PXDNL: variants seen among roughly 807,000 people sequenced by gnomAD.
PXDNL encodes probable oxidoreductase PXDNL.
Under a neutral mutation model 150.8 loss-of-function variants are expected in PXDNL, and 145 were observed. The ratio of observed to expected loss-of-function variants is 0.96; its 90% CI spans 0.84 to 1.10. The LOEUF is 1.10. Ranked by LOEUF, PXDNL falls within the 50% of genes least tolerant of loss-of-function variation. The probability of loss-of-function intolerance (pLI) is 0.00; values close to 1 mark genes in which losing one functional copy is unlikely to be tolerated. For missense variants in PXDNL, 2,087 were observed against 1,873.9 expected (o/e 1.11, Z -2.10); for synonymous variants, 757 against 725.7 (o/e 1.04, Z -0.69).
chr8:51,440,558 T>C (rs1294418812), intron 12 of PXDNL, among the ~76,000 whole-genome samples: 1 of 152,196 alleles, frequency 6.6e-6, no homozygotes, highest in Non-Finnish European at 1.5e-5. Context: ...ACATTGCAGC[T>C]ATCCCACAAC....
chr8:51,389,940 G>A (rs563501796), intron 17 of PXDNL, among the ~76,000 whole-genome samples: 1 of 152,100 alleles, frequency 6.6e-6, no homozygotes, highest in African/African-American at 2.4e-5. Flanking sequence ...CAAAGAAAAG[G>A]TTTTAATATT....
At chr8:51,650,260 G>C (rs1815005558) in intron 2 of PXDNL, among the ~76,000 whole-genome samples, 1 of 151,790 alleles carries the variant, frequency 6.6e-6, no homozygotes, top group Admixed American at 6.6e-5. Flanking sequence ...CAATGTACAG[G>C]CATAGATTAA....
chr8:51,479,090 G>A (rs1044374979), intron 6 of PXDNL, among the ~76,000 whole-genome samples: 3 of 152,214 alleles, frequency 2.0e-5, no homozygotes, highest in Non-Finnish European at 4.4e-5. Flanking sequence ...ATTTTTGCAT[G>A]TGTGTTCCAG....
At chr8:51,432,486 T>C (rs886829317) in intron 12 of PXDNL, among the ~76,000 whole-genome samples, 2 of 152,226 alleles carry the variant, frequency 1.3e-5, no homozygotes, top group Non-Finnish European at 2.9e-5. Context: ...TATAAATCAA[T>C]GTTGGAAGAA....
At chr8:51,486,064 G>T (rs1810726698) in intron 5 of PXDNL, among the ~76,000 whole-genome samples, 1 of 152,198 alleles carries the variant, frequency 6.6e-6, no homozygotes, top group African/African-American at 2.4e-5. Flanking sequence ...AAGTGGTGCA[G>T]TTCTGCAAGA....
At chr8:51,748,528 C>T (rs1490042080) in intron 1 of PXDNL, among the ~76,000 whole-genome samples, 1 of 152,198 alleles carries the variant, frequency 6.6e-6, no homozygotes, top group African/African-American at 2.4e-5. Context: ...CCGGTCCCAG[C>T]TGGAGCACAG....
chr8:51,604,746 CTT>C (rs1813803455), intron 2 of PXDNL, among the ~76,000 whole-genome samples: 1 of 152,124 alleles, frequency 6.6e-6, no homozygotes, highest in Non-Finnish European at 1.5e-5. Flanking sequence ...AATTTCAAGA[CTT>C]TTTACCATCC....
chr8:51,368,900 G>A (rs1011651380), intron 19 of PXDNL, among the ~76,000 whole-genome samples: 1 of 152,154 alleles, frequency 6.6e-6, no homozygotes, highest in Non-Finnish European at 1.5e-5. Flanking sequence ...GGAGGCTGAG[G>A]CAGGAGAATC....
At chr8:51,491,396 G>A (rs964618694) in intron 5 of PXDNL, among the ~76,000 whole-genome samples, 13 of 152,084 alleles carry the variant, frequency 8.5e-5, no homozygotes, top group South Asian at 4.1e-4. Context: ...GTCCAGGCTC[G>A]AGTTTTCTTT....
Position 51,561,757 on chromosome 8 carries a change from T to C in PXDNL, c.309-4846A>G, listed in dbSNP as rs1363602672. ...GGAGAGTTATTTAATGGGTATAGAGTTTCAGTTTTGCAAGATTAAAAGGTT... is the reference window on the plus strand; with the variant it reads ...GGAGAGTTATTTAATGGGTATAGAGCTTCAGTTTTGCAAGATTAAAAGGTT... On this transcript the variant is annotated intron_variant, in intron 3 of 22. Coordinates refer to ENST00000356297, the MANE Select transcript of PXDNL (RefSeq NM_144651.5). Among the ~76,000 whole-genome samples the C allele has an allele frequency of 2.0e-5, 3 of 151,798 alleles. No homozygotes were observed. The East Asian group carries it at 5.9e-4, about 30-fold the overall frequency.
chr8:51,754,395 C>G (rs956160587), intron 1 of PXDNL, among the ~76,000 whole-genome samples: 13 of 152,130 alleles, frequency 8.5e-5, no homozygotes, highest in African/African-American at 3.1e-4. Flanking sequence ...GGAGGCAGCC[C>G]CGATGAGAAG....
chr8:51,454,307 A>G (rs1430455159), intron 9 of PXDNL, among the ~76,000 whole-genome samples: 2 of 152,222 alleles, frequency 1.3e-5, no homozygotes, highest in South Asian at 2.1e-4. Context: ...AAAAAGCAGA[A>G]AGAAGAATAT....
At chr8:51,691,514 A>G (rs1045611198) in intron 1 of PXDNL, among the ~76,000 whole-genome samples, 1 of 152,130 alleles carries the variant, frequency 6.6e-6, no homozygotes, top group South Asian at 2.1e-4. Context: ...TCTAAAAAAC[A>G]TGGCTATTAA....
chr8:51,526,435 G>C (rs1453003271), intron 4 of PXDNL, among the ~76,000 whole-genome samples: 1 of 152,018 alleles, frequency 6.6e-6, no homozygotes, highest in Non-Finnish European at 1.5e-5. Flanking sequence ...AGTGTCTAAA[G>C]GTTATGTGAC....
At chr8:51,674,349 G>A (rs1464492282) in intron 1 of PXDNL, among the ~76,000 whole-genome samples, 4 of 152,186 alleles carry the variant, frequency 2.6e-5, no homozygotes, top group Admixed American at 6.5e-5. Context: ...CTCAGCACTC[G>A]TTAACTGAAA....
chr8:51,491,140 C>G lies in PXDNL; in HGVS notation c.453-7426G>C, dbSNP rs530540609. On this transcript the variant is annotated intron_variant, in intron 5 of 22. Coordinates refer to ENST00000356297, the MANE Select transcript of PXDNL (RefSeq NM_144651.5). ...CTGCATTCTTCTTGCCCTCAAACAT[C>G]AGACTCCAAATTCTTCAAGTCTGGG... 2.6e-5 allele frequency among the ~76,000 whole-genome samples: 4 copies of G among 152,174 alleles called. No individual in the cohort carries two copies. The South Asian group carries it at 8.3e-4, about 32-fold the overall frequency.
At chr8:51,638,268 G>A (rs561214372) in intron 2 of PXDNL, among the ~76,000 whole-genome samples, 177 of 152,222 alleles carry the variant, frequency 1.2e-3, no homozygotes, top group African/African-American at 3.6e-3. Context: ...AAAGACCATC[G>A]AGGCTAGGAA....
Position 51,339,753 on chromosome 8 carries a change from C to T in PXDNL, c.4017G>A (p.Arg1339=). 6.3e-7 allele frequency: 1 copy of T among 1,588,220 alleles called. No homozygotes were observed. The highest frequency in any genetic ancestry group is 8.5e-7 in the Non-Finnish European group (1 of 1,169,850). The change falls in exon 21 of 23, where the codon AGG becomes AGA. Residue 1339 remains arginine, a splice_region_variant and synonymous_variant. Transcript: ENST00000356297. ...CACCCACATATATTTTATCTTGTTGCCTATTTATAACAAGAAGCAAATAAA... is the reference window on the plus strand; with the variant it reads ...CACCCACATATATTTTATCTTGTTGTCTATTTATAACAAGAAGCAAATAAA... ...KDMELSHLRS[R]QQDKIYVGED...
At chr8:51,728,128 C>T (rs764408921) in intron 1 of PXDNL, among the ~76,000 whole-genome samples, 7 of 152,286 alleles carry the variant, frequency 4.6e-5, no homozygotes, top group East Asian at 1.9e-4. Context: ...TTCCTATTGT[C>T]TAGTGATGTC....
Sources: gnomAD v4.1 joint callset for allele counts (sites outside exome capture counted in the v4.1 genomes callset) on GRCh38, gnomAD v4.1.1 for gene constraint, MANE v1.5 for transcripts, NCBI Gene and HGNC (gene_info 2026-07-23, HGNC 2026-07-21) for gene names.